KATNBL1: variants seen among roughly 807,000 people sequenced by gnomAD.
KATNBL1 encodes the protein KATNB1-like protein 1.
Under a neutral mutation model 44.7 loss-of-function variants are expected in KATNBL1, and 28 were observed. That is an observed-to-expected ratio of 0.63 (90% CI 0.46 to 0.86). KATNBL1 has a LOEUF of 0.86. Ranked by LOEUF, KATNBL1 falls within the 40% of genes least tolerant of loss-of-function variation. The pLI, the probability that KATNBL1 is intolerant of heterozygous loss-of-function variation, is 0.00. For missense variants in KATNBL1, 272 were observed against 350.7 expected (o/e 0.78, Z 1.79); for synonymous variants, 78 against 114.9 (o/e 0.68, Z 2.06).
At chr15:34,169,203 AAAG>A (rs2140941674) in intron 1 of KATNBL1, among the ~76,000 whole-genome samples, 1 of 152,332 alleles carries the variant, frequency 6.6e-6, no homozygotes, top group Admixed American at 6.5e-5. Flanking sequence ...CAAGACTAAT[AAAG>A]AAGAAAACAG....
intron 1 of KATNBL1, among the ~76,000 whole-genome samples, chr15:34,181,619 CATAT>C (rs1368712612): frequency 1.5e-4 from 17 of 110,752 alleles, no homozygotes; most frequent in East Asian, 2.3e-4. Context: ...TATATATACA[CATAT>C]ATATGTCCAT....
chr15:34,169,783 C>T (rs529053454), intron 1 of KATNBL1, among the ~76,000 whole-genome samples: 16 of 152,306 alleles, frequency 1.1e-4, no homozygotes, highest in Non-Finnish European at 2.2e-4. Flanking sequence ...GCTGGTTCAA[C>T]AGATGCAAAT....
intron 1 of KATNBL1, among the ~76,000 whole-genome samples, chr15:34,179,171 G>A (rs1489244823): frequency 6.6e-6 from 1 of 152,160 alleles, no homozygotes; most frequent in African/African-American, 2.4e-5. Context: ...AAGAACAGAG[G>A]TTTATTTTGT....
intron 1 of KATNBL1, among the ~76,000 whole-genome samples, chr15:34,179,628 C>T (rs547025385): frequency 6.6e-6 from 1 of 152,244 alleles, no homozygotes; most frequent in African/African-American, 2.4e-5. Flanking sequence ...AACATCCCAC[C>T]TGGCAAGCAA....
intron 1 of KATNBL1, among the ~76,000 whole-genome samples, chr15:34,198,029 A>G (rs994497529): frequency 3.2e-4 from 49 of 152,312 alleles, no homozygotes; most frequent in African/African-American, 9.1e-4. Context: ...TGCTGGGATT[A>G]TAAGTGTGAG....
At chr15:34,154,579 C>A in intron 3 of KATNBL1, 65 bp downstream of exon 3, 1 of 1,005,548 alleles carries the variant, frequency 9.9e-7, no homozygotes, top group South Asian at 1.3e-5. Flanking sequence ...TTATTTTTCC[C>A]TTATTGTCAT....
chr15:34,183,674 A>C (rs1329128572), intron 1 of KATNBL1, among the ~76,000 whole-genome samples: 2 of 152,242 alleles, frequency 1.3e-5, no homozygotes, highest in African/African-American at 4.8e-5. Context: ...AGGGGAATAA[A>C]TAAGTTAATT....
At chr15:34,199,935 C>T (rs1235569240) in intron 1 of KATNBL1, 1 of 152,208 alleles carries the variant, frequency 6.6e-6, no homozygotes, top group African/African-American at 2.4e-5. Flanking sequence ...CTTATTTGAC[C>T]CCGCCCATGT....
At position 34,174,527 on chromosome 15, in the gene KATNBL1, A is replaced by T. The variant is rs77526044; in HGVS notation, c.-14-10837T>A. Among the ~76,000 whole-genome samples, 828 of 152,344 alleles carry T rather than the reference A, an allele frequency of 5.4e-3. 9 individuals are homozygous for T. Among genetic ancestry groups the T allele is most frequent in the African/African-American group, 0.019 (783 of 41,574 alleles). ...TGGTCTAAAAGTCATTTAGTTAATT[A>T]AAAGCCAGAGATTGATGGAGTAAAT... On this transcript the variant is annotated intron_variant, in intron 1 of 9. Coordinates refer to ENST00000256544, the MANE Select transcript of KATNBL1 (RefSeq NM_024713.3).
At chr15:34,198,080 A>G (rs1478367778) in intron 1 of KATNBL1, among the ~76,000 whole-genome samples, 2 of 152,194 alleles carry the variant, frequency 1.3e-5, no homozygotes, top group Non-Finnish European at 2.9e-5. Flanking sequence ...ACACAAAAAG[A>G]GGACGATACG....
chr15:34,158,947 C>G (rs1888717000), intron 2 of KATNBL1, among the ~76,000 whole-genome samples: 1 of 152,180 alleles, frequency 6.6e-6, no homozygotes, highest in African/African-American at 2.4e-5. Flanking sequence ...ATGCTCAGGT[C>G]TCTTTAAATT....
rs1190490086 is a variant in KATNBL1, at chr15:34,145,279, A to C, written c.882+119T>G. 11 of 1,430,710 alleles carry C rather than the reference A, an allele frequency of 7.7e-6. No homozygotes were observed. The East Asian group carries it at 3.4e-4, about 45-fold the overall frequency. 88.6% of individuals were successfully genotyped at this position (1,430,710 alleles called of 1,614,324 possible). ...TGAAGCATTTGAAAATATGAAATTGACTTTAGACATTAGAACAGTACCATA... is the reference window on the plus strand; with the variant it reads ...TGAAGCATTTGAAAATATGAAATTGCCTTTAGACATTAGAACAGTACCATA... On this transcript the variant is annotated intron_variant, in intron 9 of 9. Coordinates refer to ENST00000256544, the MANE Select transcript of KATNBL1 (RefSeq NM_024713.3).
At chr15:34,205,852 T>C (rs1284953661) in intron 1 of KATNBL1, among the ~76,000 whole-genome samples, 1 of 152,204 alleles carries the variant, frequency 6.6e-6, no homozygotes, top group African/African-American at 2.4e-5. Flanking sequence ...AAGCTTATAT[T>C]CTACTGGCCT....
At chr15:34,153,193 A>C (rs1427363223) in intron 3 of KATNBL1, 124 bp from the exon 4 acceptor site, 1 of 578,664 alleles carries the variant, frequency 1.7e-6, no homozygotes, top group Non-Finnish European at 2.8e-6. Context: ...AAATAAATAG[A>C]ATTTTAAAAA....
At chr15:34,196,107 T>TA (rs1890022366) in intron 1 of KATNBL1, among the ~76,000 whole-genome samples, 1 of 152,154 alleles carries the variant, frequency 6.6e-6, no homozygotes, top group Admixed American at 6.6e-5. Context: ...ACATGTATCT[T>TA]AAACATTTCA....
At chr15:34,201,941 C>A (rs974573458) in intron 1 of KATNBL1, among the ~76,000 whole-genome samples, 2 of 152,032 alleles carry the variant, frequency 1.3e-5, no homozygotes, top group African/African-American at 4.8e-5. Flanking sequence ...TTACATTGTA[C>A]TAGATATTAC....
At chr15:34,155,852 C>T (rs140731375) in intron 2 of KATNBL1, among the ~76,000 whole-genome samples, 1 of 152,314 alleles carries the variant, frequency 6.6e-6, no homozygotes, top group Admixed American at 6.5e-5. Flanking sequence ...AATATTGACT[C>T]AAATCCAGCA....
At chr15:34,182,249 C>T (rs1328398862) in intron 1 of KATNBL1, among the ~76,000 whole-genome samples, 2 of 151,970 alleles carry the variant, frequency 1.3e-5, no homozygotes, top group Non-Finnish European at 2.9e-5. Flanking sequence ...TGATTTTTGG[C>T]AGATCATTTA....
rs140193710 is a variant in KATNBL1, at chr15:34,175,150, ACACACACG to A, written c.-14-11468_-14-11461del. On this transcript the variant is annotated intron_variant, in intron 1 of 9. Coordinates refer to ENST00000256544, the MANE Select transcript of KATNBL1 (RefSeq NM_024713.3). ...CACACACACACACACACACACACAC[ACACACACG>A]CATATATAATATATATGTACATACA... Among the ~76,000 whole-genome samples the A allele has an allele frequency of 5.5e-4, 68 of 124,516 alleles. No individual in the cohort carries two copies. The East Asian group carries it at 0.011, about 21-fold the overall frequency. 81.7% of individuals were successfully genotyped at this position (124,516 alleles called of 152,430 possible). A position where few individuals can be genotyped will look rare whatever the true frequency, so the allele number is the denominator to read the frequency against.
Sources: allele counts gnomAD v4.1 joint callset (sites outside exome capture counted in the v4.1 genomes callset), GRCh38; gene constraint gnomAD v4.1.1; transcripts MANE v1.5; gene names NCBI Gene and HGNC (gene_info 2026-07-23, HGNC 2026-07-21).